EIF3J: variants seen among roughly 807,000 people sequenced by gnomAD.
EIF3J encodes the protein eukaryotic translation initiation factor 3 subunit J, also known as eukaryotic translation initiation factor 3, subunit 1 (alpha, 35kD).
Under a neutral mutation model 39.0 loss-of-function variants are expected in EIF3J, and 15 were observed. The observed-to-expected ratio is 0.38, with a 90% CI of 0.26 to 0.59. The LOEUF (loss-of-function observed/expected upper bound fraction) is 0.59, where lower values mean the gene tolerates loss of function less well. EIF3J is among the 20% of genes least tolerant of loss of function. The pLI, the probability that EIF3J is intolerant of heterozygous loss-of-function variation, is 0.60. For missense variants in EIF3J, 226 were observed against 308.6 expected, an observed-to-expected ratio of 0.73 and a Z score of 2.00; for synonymous variants, 98 against 112.9, an observed-to-expected ratio of 0.87 and a Z score of 0.84.
intron 7 of EIF3J, 57 bp from the exon 8 acceptor site, chr15:44,560,961 C>T: frequency 6.3e-7 from 1 of 1,590,084 alleles, no homozygotes; most frequent in Non-Finnish European, 8.5e-7. Flanking sequence ...GTTGCTGTAC[C>T]AGATAAGATG....
chr15:44,537,226 C>T lies in EIF3J; in HGVS notation c.32C>T (p.Ser11Leu), dbSNP rs1187042917. ...GCGGCGGCGGCGGCGGCGGGGGACT[C>T]GGACTCCTGGGGTGAGGAGAAGTTG... MAAAAAAAGD[S>L]DSWDADAFSV... is the part of the protein sequence containing the mutation. The change falls in exon 1 of 8, where the codon TCG (serine) becomes TTG (leucine). Residue 11 changes from serine to leucine, a missense_variant. Transcript: ENST00000261868. The T allele has an allele frequency of 1.9e-6, 3 of 1,598,320 alleles. No individual in the cohort carries two copies. Among genetic ancestry groups the T allele is most frequent in the Middle Eastern group, 1.7e-4 (1 of 6,038 alleles).
In EIF3J at chr15:44,562,111, A is replaced by G. The variant is rs1371710042; in HGVS notation, c.*962A>G. 1 of 152,640 alleles carries G rather than the reference A, an allele frequency of 6.6e-6. No homozygotes were observed. The highest frequency in any genetic ancestry group is 1.5e-5 in the Non-Finnish European group (1 of 68,040). The allele number at this position is 152,640 out of a possible 1,614,324, so 9.5% of individuals were successfully genotyped here. A position where few individuals can be genotyped will look rare whatever the true frequency, so the allele number is the denominator to read the frequency against. ...TAAATTTTGTGTTACCTCCCAAGAGATACTTTTTGAGAGTATAGAACACAG... is the reference window on the plus strand; with the variant it reads ...TAAATTTTGTGTTACCTCCCAAGAGGTACTTTTTGAGAGTATAGAACACAG... On this transcript the variant is annotated 3_prime_UTR_variant, in exon 8 of 8. Coordinates refer to ENST00000261868, the MANE Select transcript of EIF3J (RefSeq NM_003758.4).
At chr15:44,559,356 G>A (rs1427493534) in intron 6 of EIF3J, among the ~76,000 whole-genome samples, 1 of 149,864 alleles carries the variant, frequency 6.7e-6, no homozygotes, top group Non-Finnish European at 1.5e-5. Flanking sequence ...AGGCTGTGGT[G>A]AGCCGAGATC....
intron 4 of EIF3J, among the ~76,000 whole-genome samples, chr15:44,553,136 T>A (rs2082114338): frequency 1.3e-5 from 2 of 149,964 alleles, no homozygotes. Flanking sequence ...CAGTGAGCCA[T>A]GACTGCGCCA....
intron 2 of EIF3J, among the ~76,000 whole-genome samples, chr15:44,546,551 C>T (rs1272063033): frequency 1.3e-5 from 2 of 152,136 alleles, no homozygotes; most frequent in Non-Finnish European, 2.9e-5. Flanking sequence ...TCAGCCTTTG[C>T]TTCTTTAGTA....
intron 2 of EIF3J, 51 bp downstream of exon 2, chr15:44,537,478 G>T (rs2081968830): frequency 2.1e-6 from 3 of 1,449,452 alleles, no homozygotes; most frequent in African/African-American, 1.5e-5. Flanking sequence ...TGGCGCTGTT[G>T]CCGGCCGACT....
At chr15:44,557,384 T>G in intron 5 of EIF3J, 105 bp from the exon 6 acceptor site, 5 of 835,698 alleles carry the variant, frequency 6.0e-6, no homozygotes, top group Non-Finnish European at 8.4e-6. Context: ...GCCCCTGCTT[T>G]AGAATGAAAC....
chr15:44,537,462 G>T, intron 2 of EIF3J, 35 bp downstream of exon 2: 1 of 1,471,228 alleles, frequency 6.8e-7, no homozygotes, highest in Non-Finnish European at 9.0e-7. Flanking sequence ...CAGCGCGGAA[G>T]CGGGCTGGCG....
At chr15:44,555,860 G>A (rs1595806512) in intron 5 of EIF3J, among the ~76,000 whole-genome samples, 1 of 151,958 alleles carries the variant, frequency 6.6e-6, no homozygotes, top group African/African-American at 2.4e-5. Flanking sequence ...ACTCATCTAG[G>A]CCAGATTTTT....
chr15:44,557,077 C>T (rs1595807287), intron 5 of EIF3J, among the ~76,000 whole-genome samples: 1 of 152,120 alleles, frequency 6.6e-6, no homozygotes, highest in East Asian at 1.9e-4. Flanking sequence ...TTATATGCTT[C>T]CTTATCGATG....
chr15:44,553,364 C>T lies in EIF3J; in HGVS notation c.295-1189C>T, dbSNP rs1391321765. ...AAAATTAGACGGGCGTGGTGGCGGG[C>T]GCCTGTAGTCCCAGCTACCTGGGAG... On this transcript the variant is annotated intron_variant, in intron 4 of 7. Transcript: ENST00000261868. 5.9e-5 allele frequency among the ~76,000 whole-genome samples: 9 copies of T among 151,662 alleles called. No individual in the cohort carries two copies. In the East Asian group the frequency reaches 9.7e-4, roughly 16 times the overall value.
intron 5 of EIF3J, 150 bp downstream of exon 5, chr15:44,554,817 T>G: frequency 2.1e-6 from 1 of 487,666 alleles, no homozygotes; most frequent in Non-Finnish European, 3.6e-6. Context: ...TATTTGAGAT[T>G]TCATTACATG....
intron 2 of EIF3J, among the ~76,000 whole-genome samples, chr15:44,549,541 G>A (rs529225230): frequency 3.3e-5 from 5 of 152,162 alleles, no homozygotes; most frequent in East Asian, 3.9e-4. Flanking sequence ...AAGCCGAGGC[G>A]GGCGGATCAT....
chr15:44,544,351 G>A (rs1011591220), intron 2 of EIF3J, among the ~76,000 whole-genome samples: 3 of 151,176 alleles, frequency 2.0e-5, no homozygotes, highest in Non-Finnish European at 3.0e-5. Context: ...ACCCACCTTG[G>A]CCTTCCAAAG....
intron 2 of EIF3J, among the ~76,000 whole-genome samples, chr15:44,538,952 TCTAGA>T (rs2081984660): frequency 6.6e-6 from 1 of 152,078 alleles, no homozygotes; most frequent in African/African-American, 2.4e-5. Flanking sequence ...TAATGGATAG[TCTAGA>T]CTAATGTCAT....
chr15:44,557,314 A>G (rs995960481), intron 5 of EIF3J, among the ~76,000 whole-genome samples, 175 bp from the exon 6 acceptor site: 43 of 150,928 alleles, frequency 2.8e-4, no homozygotes, highest in African/African-American at 1.0e-3. Context: ...TAAGTTTGTA[A>G]CCCCCCTCCC....
At chr15:44,545,813 C>T (rs1313875144) in intron 2 of EIF3J, among the ~76,000 whole-genome samples, 1 of 152,104 alleles carries the variant, frequency 6.6e-6, no homozygotes, top group Non-Finnish European at 1.5e-5. Context: ...AACTTTATAC[C>T]TATGACACTT....
chr15:44,556,473 C>G (rs532226991), intron 5 of EIF3J, among the ~76,000 whole-genome samples: 37 of 151,926 alleles, frequency 2.4e-4, no homozygotes, highest in Non-Finnish European at 2.5e-4. Context: ...TCCCGGGTAG[C>G]GAGGGCTACA....
chr15:44,553,888 T>A lies in EIF3J; in HGVS notation c.295-665T>A, dbSNP rs181427904. 2.0e-5 allele frequency among the ~76,000 whole-genome samples: 3 copies of A among 152,342 alleles called. No individual in the cohort carries two copies. In the East Asian group the frequency reaches 5.8e-4, roughly 29 times the overall value. Reference sequence around the variant, plus strand: ...CCCTAGAAAGGGTTTTCCAATATAGTTTTAGTAGCAGTGTATGAAAGTAAT... The same window carrying A: ...CCCTAGAAAGGGTTTTCCAATATAGATTTAGTAGCAGTGTATGAAAGTAAT... On this transcript the variant is annotated intron_variant, in intron 4 of 7. Coordinates refer to ENST00000261868, the MANE Select transcript of EIF3J (RefSeq NM_003758.4).
Sources: allele counts gnomAD v4.1 joint callset (sites outside exome capture counted in the v4.1 genomes callset), GRCh38; gene constraint gnomAD v4.1.1; transcripts MANE v1.5; gene names NCBI Gene and HGNC (gene_info 2026-07-23, HGNC 2026-07-21).